Variants in CPVL observed in about 807,000 individuals in gnomAD.
CPVL encodes carboxypeptidase vitellogenic like.
Under a neutral mutation model 63.7 loss-of-function variants are expected in CPVL, and 51 were observed. That is an observed-to-expected ratio of 0.80 (90% CI 0.64 to 1.01). CPVL has a LOEUF of 1.01. Among genes scored for constraint, CPVL ranks in the 50% least tolerant of loss-of-function variants. The pLI, the probability that CPVL is intolerant of heterozygous loss-of-function variation, is 0.00. For missense variants in CPVL, 530 were observed against 573.1 expected, an observed-to-expected ratio of 0.92 and a Z score of 0.77; for synonymous variants, 195 against 206.0, an observed-to-expected ratio of 0.95 and a Z score of 0.46.
intron 5 of CPVL, among the ~76,000 whole-genome samples, chr7:29,166,156 A>G (rs1795888462): frequency 6.6e-6 from 1 of 151,876 alleles, no homozygotes; most frequent in Non-Finnish European, 1.5e-5. Flanking sequence ...TCACCCTCCC[A>G]AGTAGCTAGG....
intron 11 of CPVL, among the ~76,000 whole-genome samples, chr7:29,053,989 A>T (rs2128176294): frequency 6.6e-6 from 1 of 152,148 alleles, no homozygotes; most frequent in East Asian, 1.9e-4. Context: ...GCTGGAGGAG[A>T]GCTTGAGCCT....
At chr7:28,997,814 T>C (rs949015856) in intron 12 of CPVL, among the ~76,000 whole-genome samples, 1 of 139,498 alleles carries the variant, frequency 7.2e-6, no homozygotes, top group African/African-American at 2.4e-5. Context: ...AAAAAAATTA[T>C]TGCAGATATA....
chr7:29,039,648 A>G (rs941676593), intron 11 of CPVL, among the ~76,000 whole-genome samples: 2 of 151,898 alleles, frequency 1.3e-5, no homozygotes, highest in African/African-American at 2.4e-5. Context: ...AACTTTAACC[A>G]TTTTTTGTTG....
intron 9 of CPVL, among the ~76,000 whole-genome samples, chr7:29,066,426 T>C (rs1288872685): frequency 2.0e-5 from 3 of 152,154 alleles, no homozygotes; most frequent in Non-Finnish European, 2.9e-5. Context: ...TGTTAGGGAA[T>C]GACAAGGAGA....
At chr7:29,043,148 T>C (rs1472456224) in intron 11 of CPVL, among the ~76,000 whole-genome samples, 1 of 152,076 alleles carries the variant, frequency 6.6e-6, no homozygotes, top group Admixed American at 6.5e-5. Flanking sequence ...CCCTCCCTGG[T>C]AGATAGCAAA....
At chr7:29,104,138 G>C (rs1484010668) in intron 3 of CPVL, among the ~76,000 whole-genome samples, 2 of 152,166 alleles carry the variant, frequency 1.3e-5, no homozygotes, top group Non-Finnish European at 2.9e-5. Context: ...AGTTGCTAAA[G>C]ACATTCATGT....
chr7:29,100,941 A>C (rs1314751400), intron 3 of CPVL, among the ~76,000 whole-genome samples: 1 of 152,218 alleles, frequency 6.6e-6, no homozygotes, highest in Non-Finnish European at 1.5e-5. Context: ...CCAAAACCCC[A>C]AGAGTCAGTT....
intron 5 of CPVL, among the ~76,000 whole-genome samples, chr7:29,093,580 T>C (rs1229002094): frequency 1.3e-5 from 2 of 152,178 alleles, no homozygotes; most frequent in Non-Finnish European, 2.9e-5. Context: ...AATATTTTCT[T>C]ATTAGAACCT....
intron 11 of CPVL, among the ~76,000 whole-genome samples, chr7:29,033,539 C>A (rs1305786598): frequency 3.3e-5 from 5 of 152,202 alleles, no homozygotes; most frequent in African/African-American, 9.7e-5. Context: ...AGTTGCCCAG[C>A]AAGACATGCA....
rs190460470 is a variant in CPVL at position 29,189,349 on chromosome 7, T to A, written c.-447-2802A>T. Among the ~76,000 whole-genome samples the A allele has an allele frequency of 2.6e-3, 391 of 152,226 alleles. 7 individuals are homozygous for A. The highest frequency in any genetic ancestry group is 2.3e-3 in the East Asian group (12 of 5,164). On this transcript the variant is annotated intron_variant, in intron 1 of 16. Coordinates refer to the CPVL transcript ENST00000409850. ...CTGAGTGAATTAATGAATGCTTGAA[T>A]AAATGAACAGGTAGTAGAGAATGAA...
chr7:28,999,660 A>G (rs1370580946), intron 12 of CPVL, among the ~76,000 whole-genome samples: 2 of 152,122 alleles, frequency 1.3e-5, no homozygotes, highest in Non-Finnish European at 2.9e-5. Context: ...TCTTCCTCTC[A>G]GTGACCTACC....
intron 2 of CPVL, chr7:29,186,343 G>A (rs1798708446): frequency 2.6e-5 from 4 of 152,198 alleles, no homozygotes; most frequent in Admixed American, 2.0e-4. Context: ...AGCACTTTGG[G>A]AGGCCAGGGT....
chr7:29,092,660 C>T lies in CPVL; in HGVS notation c.505G>A (p.Ala169Thr). 1 of 1,613,922 alleles carries T rather than the reference C, an allele frequency of 6.2e-7. No homozygotes were observed. The highest frequency in any genetic ancestry group is 8.5e-7 in the Non-Finnish European group (1 of 1,179,790). ...FSFTDDTHGY[A>T]VNEDDVARDL... The stretch of plus-strand genomic sequence containing the variant: ...CGTGCTACATCGTCCTCATTGACTG[C>T]ATATCCGTGGGTATCATCAGTAAAA... Residue 169 changes from alanine to threonine, a missense_variant, in exon 6 of 13, where the codon GCA (alanine) becomes ACA (threonine). By Grantham distance (58) the Ala-to-Thr change is moderately conservative. Coordinates refer to ENST00000265394, the MANE Select transcript of CPVL (RefSeq NM_031311.5).
rs1023100739 is a variant in CPVL at position 29,072,311 on chromosome 7, T to C, written c.722A>G (p.Asp241Gly). Residue 241 changes from aspartate to glycine, a missense_variant, in exon 8 of 13, where the codon GAT becomes GGT. Transcript: ENST00000265394. The stretch of plus-strand genomic sequence containing the variant: ...GAAGGAGAAACCTACTGATTCGGGA[T>C]CAGAATATCCATCTCCAATAGCAAT... ...NGIAIGDGYSDPESIIGGYAE... is the reference protein window; with the variant it reads ...NGIAIGDGYSGPESIIGGYAE... The C allele has an allele frequency of 6.2e-7, 1 of 1,614,006 alleles. No homozygotes were observed. The highest frequency in any genetic ancestry group is 8.5e-7 in the Non-Finnish European group (1 of 1,179,970).
chr7:29,140,674 C>T (rs1468519026), intron 1 of CPVL, among the ~76,000 whole-genome samples: 1 of 152,172 alleles, frequency 6.6e-6, no homozygotes, highest in Non-Finnish European at 1.5e-5. Context: ...CAGCATAATT[C>T]TCAGGGCTTC....
intron 12 of CPVL, among the ~76,000 whole-genome samples, chr7:29,005,857 A>G (rs149621135): frequency 8.5e-5 from 13 of 152,310 alleles, no homozygotes; most frequent in African/African-American, 3.1e-4. Flanking sequence ...AGCACAATCC[A>G]GTTCATTATT....
chr7:29,184,063 T>C (rs1798400310), intron 4 of CPVL, among the ~76,000 whole-genome samples: 1 of 151,958 alleles, frequency 6.6e-6, no homozygotes, highest in South Asian at 2.1e-4. Context: ...CTTGGGCATA[T>C]GCAGATTTTG....
Position 29,071,901 on chromosome 7 carries a change from TA to T in CPVL, c.735del (p.Ile246Ter). On this transcript the variant is annotated frameshift_variant and splice_region_variant, in exon 9 of 13. Transcript: ENST00000265394. LOFTEE classifies it high-confidence loss of function. Reference sequence around the variant, plus strand: ...TACAGGAATTCTGCATAGCCCCCTATAATCTGAGGACAAAAAAGACACACAT... The same window carrying T: ...TACAGGAATTCTGCATAGCCCCCTATATCTGAGGACAAAAAAGACACACAT... Reference protein sequence around the residue: ...IGDGYSDPESIIGGYAEFLYQ... With the variant: ...IGDGYSDPESXIGGYAEFLYQ... 6.2e-7 allele frequency: 1 copy of T among 1,614,032 alleles called. No individual in the cohort carries two copies. Among genetic ancestry groups the T allele is most frequent in the Non-Finnish European group, 8.5e-7 (1 of 1,179,950 alleles).
chr7:29,066,188 C>T, intron 9 of CPVL, 67 bp from the exon 10 acceptor site: 2 of 828,532 alleles, frequency 2.4e-6, no homozygotes, highest in East Asian at 5.0e-5. Flanking sequence ...AATGTACAGA[C>T]ATTTGTCATT....
Sources: allele counts gnomAD v4.1 joint callset (sites outside exome capture counted in the v4.1 genomes callset), GRCh38; gene constraint gnomAD v4.1.1; transcripts MANE v1.5; gene names NCBI Gene and HGNC (gene_info 2026-07-23, HGNC 2026-07-21).